PDE1C: variants seen among roughly 807,000 people sequenced by gnomAD.
PDE1C encodes the protein dual specificity calcium/calmodulin-dependent 3',5'-cyclic nucleotide phosphodiesterase 1C.
Under a neutral mutation model 93.1 loss-of-function variants are expected in PDE1C, and 62 were observed. The observed-to-expected ratio is 0.67, with a 90% CI of 0.54 to 0.82. The LOEUF (loss-of-function observed/expected upper bound fraction) is 0.82, where lower values mean the gene tolerates loss of function less well. Among genes scored for constraint, PDE1C ranks in the 40% least tolerant of loss-of-function variants. The probability of loss-of-function intolerance (pLI) is 0.00; values close to 1 mark genes in which losing one functional copy is unlikely to be tolerated. For synonymous variants in PDE1C, 325 were observed against 310.1 expected (o/e 1.05, Z -0.50); for missense variants, 742 against 884.6 (o/e 0.84, Z 2.04).
At chr7:32,307,952 A>G (rs1054658108) in intron 1 of PDE1C, among the ~76,000 whole-genome samples, 3 of 152,228 alleles carry the variant, frequency 2.0e-5, no homozygotes, top group African/African-American at 7.2e-5. Context: ...TGGGAAGTGC[A>G]AGGGGTCGGG....
chr7:31,996,287 C>T (rs1016980672), intron 2 of PDE1C, among the ~76,000 whole-genome samples: 1 of 151,880 alleles, frequency 6.6e-6, no homozygotes, highest in African/African-American at 2.4e-5. Flanking sequence ...TCCAGCCCAG[C>T]CCCAAGCTAG....
chr7:32,336,734 C>T (rs1165052719), intron 1 of PDE1C, among the ~76,000 whole-genome samples: 1 of 152,222 alleles, frequency 6.6e-6, no homozygotes. Context: ...TCCCTTGCTA[C>T]ATTCAAATAA....
intron 16 of PDE1C, among the ~76,000 whole-genome samples, chr7:31,794,433 C>A (rs1195613527): frequency 1.3e-5 from 2 of 151,974 alleles, no homozygotes; most frequent in Non-Finnish European, 2.9e-5. Context: ...ATGTTAAACT[C>A]TTCCTCTCTA....
At chr7:31,882,160 T>C (rs945835099) in intron 2 of PDE1C, among the ~76,000 whole-genome samples, 3 of 152,026 alleles carry the variant, frequency 2.0e-5, no homozygotes, top group Non-Finnish European at 4.4e-5. Flanking sequence ...TTCAATGATA[T>C]AAAATACAAA....
At chr7:31,692,883 C>T in the PDE1C span, among the ~76,000 whole-genome samples, 1 of 152,202 alleles carries the variant, frequency 6.6e-6, no homozygotes, top group South Asian at 2.1e-4. Flanking sequence ...CACTTATACC[C>T]CATGTGCAGT....
At chr7:31,656,654 G>A in the PDE1C span, among the ~76,000 whole-genome samples, 20 of 152,258 alleles carry the variant, frequency 1.3e-4, no homozygotes, top group South Asian at 1.7e-3. Flanking sequence ...GTAGAAGCAC[G>A]GTTATAGGTT....
the PDE1C span, among the ~76,000 whole-genome samples, chr7:31,641,067 TG>T: frequency 1.3e-5 from 2 of 152,160 alleles, no homozygotes; most frequent in South Asian, 2.1e-4. Flanking sequence ...TTGCTGTCTT[TG>T]CTCAGACACA....
chr7:31,655,985 C>G, the PDE1C span: 1 of 985,420 alleles, frequency 1.0e-6, no homozygotes, highest in Non-Finnish European at 1.2e-6. Context: ...TAAACCACCT[C>G]CTGTGTTCCT....
chr7:31,791,283 T>C (rs766803825), intron 16 of PDE1C, among the ~76,000 whole-genome samples: 4 of 152,148 alleles, frequency 2.6e-5, no homozygotes, highest in Non-Finnish European at 5.9e-5. Context: ...TGTTCTTGAT[T>C]GTTCATTATG....
chr7:31,808,455 C>A (rs974341401), intron 16 of PDE1C, among the ~76,000 whole-genome samples: 2 of 151,958 alleles, frequency 1.3e-5, no homozygotes, highest in Non-Finnish European at 2.9e-5. Flanking sequence ...GTTTTAGAAA[C>A]AGTAAAATGT....
chr7:32,121,764 A>G (rs1799313752), intron 3 of PDE1C, among the ~76,000 whole-genome samples: 1 of 152,202 alleles, frequency 6.6e-6, no homozygotes, highest in Non-Finnish European at 1.5e-5. Flanking sequence ...ACACTGCAAA[A>G]ACACACCAAA....
the PDE1C span, among the ~76,000 whole-genome samples, chr7:31,636,470 T>C: frequency 6.6e-6 from 1 of 152,192 alleles, no homozygotes; most frequent in Non-Finnish European, 1.5e-5. Context: ...AGTCCTTCAG[T>C]TTGTTGTACA....
rs192924991 is a variant in PDE1C at position 32,386,804 on chromosome 7, G to T, written c.310+41018C>A. On this transcript the variant is annotated intron_variant, in intron 1 of 1. Transcript: ENST00000672256. ...CACACACAGGCTTTGGAAGAACATTGTGCCAAATAGCCGTCAAAGAGGTTG... is the reference window on the plus strand; with the variant it reads ...CACACACAGGCTTTGGAAGAACATTTTGCCAAATAGCCGTCAAAGAGGTTG... 1.2e-3 allele frequency among the ~76,000 whole-genome samples: 175 copies of T among 151,964 alleles called. 2 individuals carry two copies. The highest frequency in any genetic ancestry group is 4.7e-3 in the Admixed American group (72 of 15,262).
intron 2 of PDE1C, among the ~76,000 whole-genome samples, chr7:31,886,458 T>G (rs1475330010): frequency 6.6e-6 from 1 of 152,168 alleles, no homozygotes; most frequent in African/African-American, 2.4e-5. Context: ...ACATTGGGTG[T>G]CTTTTGTGTG....
chr7:32,130,517 A>G (rs1799856288), intron 3 of PDE1C, among the ~76,000 whole-genome samples: 4 of 152,024 alleles, frequency 2.6e-5, no homozygotes, highest in South Asian at 2.1e-4. Context: ...TCCTAGTATG[A>G]TCATTATTTG....
chr7:32,090,316 A>G (rs1388360020), intron 3 of PDE1C, among the ~76,000 whole-genome samples: 1 of 152,228 alleles, frequency 6.6e-6, no homozygotes, highest in Non-Finnish European at 1.5e-5. Flanking sequence ...CCCTAGATTA[A>G]TGAGGCATTC....
rs1386847466 is a variant in PDE1C, at chr7:31,758,212, G to A, written c.1961-4659C>T. 1.1e-4 allele frequency among the ~76,000 whole-genome samples: 16 copies of A among 152,026 alleles called. 1 individual carries two copies. The highest frequency in any genetic ancestry group is 1.0e-3 in the Admixed American group (16 of 15,256). On this transcript the variant is annotated intron_variant, in intron 17 of 17. Transcript: ENST00000396191. The stretch of plus-strand genomic sequence containing the variant: ...CCTAATGTAAATGACGAGTTAATGG[G>A]TGCAGCACACCAACATGGCCCATGT...
At chr7:31,879,398 C>T (rs904554694) in intron 3 of PDE1C, 4 of 514,134 alleles carry the variant, frequency 7.8e-6, no homozygotes, top group Non-Finnish European at 1.4e-5. Flanking sequence ...CAGGATGGTT[C>T]TCTCTACCAG....
At chr7:31,792,063 C>G (rs1208337950) in intron 16 of PDE1C, among the ~76,000 whole-genome samples, 2 of 152,010 alleles carry the variant, frequency 1.3e-5, no homozygotes, top group Non-Finnish European at 2.9e-5. Context: ...ATACCACCAG[C>G]AGTAAAAGAA....
Sources: allele counts gnomAD v4.1 joint callset (sites outside exome capture counted in the v4.1 genomes callset), GRCh38; gene constraint gnomAD v4.1.1; transcripts MANE v1.5; gene names NCBI Gene and HGNC (gene_info 2026-07-23, HGNC 2026-07-21).